Variants in CSPP1 observed in about 807,000 individuals in gnomAD.
CSPP1 encodes the protein centrosome and spindle pole associated protein 1, also known as centrosome and spindle pole-associated protein 1.
In CSPP1, 126 loss-of-function variants were observed where a neutral mutation model predicts 164.4. That is an observed-to-expected ratio of 0.77 (90% confidence interval 0.66 to 0.89). The LOEUF is 0.89. CSPP1 is among the 40% of genes least tolerant of loss of function. The pLI, the probability that CSPP1 is intolerant of heterozygous loss-of-function variation, is 0.00. For missense variants in CSPP1, 1,395 were observed against 1,449.8 expected (o/e 0.96, Z 0.61); for synonymous variants, 472 against 476.7 (o/e 0.99, Z 0.13).
chr8:67,121,212 G>A (rs1818903091), intron 15 of CSPP1, among the ~76,000 whole-genome samples: 1 of 152,098 alleles, frequency 6.6e-6, no homozygotes, highest in Admixed American at 6.6e-5. Flanking sequence ...CCAGTACTAT[G>A]TTTAATAGAA....
Position 67,172,642 on chromosome 8 carries a change from T to C in CSPP1, c.2968+87T>C, listed in dbSNP as rs1043783768. On this transcript the variant is annotated intron_variant, in intron 25 of 30. Transcript: ENST00000678616. ...TATAAAGATCTTTGTACCCTTTTTCTAAAGTGGAATTTTATCTATGGTATG... is the reference window on the plus strand; with the variant it reads ...TATAAAGATCTTTGTACCCTTTTTCCAAAGTGGAATTTTATCTATGGTATG... 1.9e-5 allele frequency: 22 copies of C among 1,171,056 alleles called. No homozygotes were observed. In the Middle Eastern group the frequency reaches 6.3e-4, roughly 34 times the overall value. 72.5% of individuals were successfully genotyped at this position (1,171,056 alleles called of 1,614,324 possible).
At chr8:67,150,080 G>T in intron 18 of CSPP1, 145 bp downstream of exon 18, 3 of 788,922 alleles carry the variant, frequency 3.8e-6, no homozygotes. Flanking sequence ...TATTCATAAA[G>T]TGCCTTTTCT....
chr8:67,141,456 T>A (rs939100165), intron 17 of CSPP1, among the ~76,000 whole-genome samples: 1 of 152,274 alleles, frequency 6.6e-6, no homozygotes, highest in African/African-American at 2.4e-5. Flanking sequence ...TTAATGATAT[T>A]TTCAAGCAAG....
In CSPP1 at chr8:67,091,836, T is replaced by C. The variant is rs192984024; in HGVS notation, c.337T>C (p.Ser113Pro). The change falls in exon 5 of 31, where the codon TCT becomes CCT. Residue 113 changes from serine to proline, a missense_variant. Physicochemically the swap from Ser to Pro is moderately conservative, Grantham distance 74. Coordinates refer to ENST00000678616, the MANE Select transcript of CSPP1 (RefSeq NM_001382391.1). The part of the protein sequence containing the change: ...NFLSTSETDP[S>P]TLGVSLPIGE... ...TCTATCTACGAGTGAAACAGATCCA[T>C]CTACTTTGGGAGTTTCTCTTCCTAT... is the stretch of plus-strand genomic sequence containing the variant. 168 of 1,350,584 alleles carry C rather than the reference T, an allele frequency of 1.2e-4. No individual in the cohort carries two copies. The African/African-American group carries it at 2.3e-3, about 19-fold the overall frequency. The allele number at this position is 1,350,584 out of a possible 1,614,324, so 83.7% of individuals were successfully genotyped here. A position where few individuals can be genotyped will look rare whatever the true frequency, so the allele number is the denominator to read the frequency against.
intron 14 of CSPP1, 53 bp from the exon 15 acceptor site, chr8:67,118,690 A>G: frequency 8.2e-7 from 1 of 1,218,894 alleles, no homozygotes; most frequent in Middle Eastern, 2.3e-4. Context: ...GTAAAATATT[A>G]TTAAATGATT....
intron 7 of CSPP1, among the ~76,000 whole-genome samples, chr8:67,098,964 T>C (rs955561835): frequency 1.2e-4 from 18 of 151,504 alleles, no homozygotes; most frequent in Non-Finnish European, 2.1e-4. Context: ...TTAGCTTCTT[T>C]TTTTTTTTTT....
chr8:67,166,419 T>C (rs1434023912), intron 24 of CSPP1, among the ~76,000 whole-genome samples: 2 of 152,254 alleles, frequency 1.3e-5, no homozygotes, highest in Non-Finnish European at 2.9e-5. Flanking sequence ...CAGTATGTGG[T>C]AGGATTTTAA....
intron 28 of CSPP1, among the ~76,000 whole-genome samples, chr8:67,185,946 G>T (rs557428862): frequency 6.6e-6 from 1 of 152,138 alleles, no homozygotes; most frequent in Non-Finnish European, 1.5e-5. Context: ...ACCTAGTTCT[G>T]TAGGTCCTTT....
intron 15 of CSPP1, among the ~76,000 whole-genome samples, chr8:67,120,668 T>C (rs759500409): frequency 6.6e-6 from 1 of 152,118 alleles, no homozygotes; most frequent in African/African-American, 2.4e-5. Context: ...AATTGTTCAT[T>C]GTTAGTGTAT....
At chr8:67,075,086 A>C (rs941463974) in intron 2 of CSPP1, among the ~76,000 whole-genome samples, 3 of 152,122 alleles carry the variant, frequency 2.0e-5, no homozygotes, top group Non-Finnish European at 4.4e-5. Context: ...GCCTAAAATA[A>C]TTGTTTCTTA....
intron 23 of CSPP1, 93 bp from the exon 24 acceptor site, chr8:67,164,298 G>A: frequency 1.5e-6 from 1 of 664,170 alleles, no homozygotes; most frequent in Non-Finnish European, 2.7e-6. Context: ...TCTCTGAGCA[G>A]TTTCACTTTA....
At chr8:67,072,227 A>G (rs1424041918) in intron 1 of CSPP1, among the ~76,000 whole-genome samples, 1 of 152,030 alleles carries the variant, frequency 6.6e-6, no homozygotes, top group Non-Finnish European at 1.5e-5. Flanking sequence ...CAAGAGGCGG[A>G]GGCTGCAGTG....
rs187761308 is a variant in CSPP1 at position 67,147,161 on chromosome 8, G to A, written c.1976-2622G>A. On this transcript the variant is annotated intron_variant, in intron 17 of 30. Transcript: ENST00000678616. ...CAACAATAAATTATAATGTGTTATC[G>A]AAGTTTGCTTACATATAGGGTATCT... Among the ~76,000 whole-genome samples, 378 of 152,196 alleles carry A rather than the reference G, an allele frequency of 2.5e-3. 2 individuals carry two copies. The highest frequency in any genetic ancestry group is 8.8e-3 in the African/African-American group (366 of 41,542).
chr8:67,144,892 C>A (rs1249206130), intron 17 of CSPP1, among the ~76,000 whole-genome samples: 34 of 150,260 alleles, frequency 2.3e-4, no homozygotes, highest in Non-Finnish European at 2.2e-4. Context: ...CATGGTGAAA[C>A]CCTATCTCTA....
chr8:67,117,473 A>G (rs1489421489), intron 13 of CSPP1, among the ~76,000 whole-genome samples: 1 of 152,190 alleles, frequency 6.6e-6, no homozygotes, highest in Non-Finnish European at 1.5e-5. Flanking sequence ...TACTACTGAA[A>G]AATATTGCAT....
intron 27 of CSPP1, among the ~76,000 whole-genome samples, 178 bp from the exon 28 acceptor site, chr8:67,179,685 T>C (rs1034256757): frequency 4.6e-5 from 7 of 152,288 alleles, no homozygotes; most frequent in African/African-American, 1.7e-4. Context: ...TTCGTAGGAA[T>C]TGTGTGTGTT....
Position 67,103,109 on chromosome 8 carries a change from A to T in CSPP1, c.996A>T (p.Ile332=). The part of the protein sequence containing the change: ...HDGDVIEQSN[I]RISSAENKSA... ...GGGATGTTATAGAACAGTCAAACATAAGAATTTCATCTGCTGAAAATAAAA... is the reference window on the plus strand; with the variant it reads ...GGGATGTTATAGAACAGTCAAACATTAGAATTTCATCTGCTGAAAATAAAA... Residue 332 remains isoleucine (I), a synonymous_variant, in exon 8 of 31, where the codon ATA becomes ATT. Coordinates refer to ENST00000678616, the MANE Select transcript of CSPP1 (RefSeq NM_001382391.1). 6.2e-7 allele frequency: 1 copy of T among 1,604,042 alleles called. No homozygotes were observed. Among genetic ancestry groups the T allele is most frequent in the South Asian group, 1.1e-5 (1 of 90,866 alleles).
chr8:67,179,955 ATTGT>A (rs1832623064), intron 28 of CSPP1, 29 bp downstream of exon 28: 1 of 1,271,082 alleles, frequency 7.9e-7, no homozygotes, highest in Non-Finnish European at 1.1e-6. Context: ...TTAAGGCTAT[ATTGT>A]TTAAATATTA....
At chr8:67,070,146 T>A (rs536786458) in intron 1 of CSPP1, among the ~76,000 whole-genome samples, 1 of 152,030 alleles carries the variant, frequency 6.6e-6, no homozygotes, top group Non-Finnish European at 1.5e-5. Context: ...GGAAAAATCT[T>A]TCGTGACTAT....
Sources: allele counts gnomAD v4.1 joint callset (sites outside exome capture counted in the v4.1 genomes callset), GRCh38; gene constraint gnomAD v4.1.1; transcripts MANE v1.5; gene names NCBI Gene and HGNC (gene_info 2026-07-23, HGNC 2026-07-21).